PYHIN1: variants seen among roughly 807,000 people sequenced by gnomAD.
PYHIN1 encodes pyrin and HIN domain-containing protein 1.
Under a neutral mutation model 43.7 loss-of-function variants are expected in PYHIN1, and 32 were observed. That is an observed-to-expected ratio of 0.73 (90% CI 0.55 to 0.98). PYHIN1 has a LOEUF of 0.98. PYHIN1 is among the 50% of genes least tolerant of loss of function. The pLI is 0.00. For synonymous variants in PYHIN1, 205 were observed against 203.1 expected (o/e 1.01, Z -0.08); for missense variants, 588 against 589.5 (o/e 1.00, Z 0.03).
At chr1:158,971,033 A>G (rs1650904137) in intron 7 of PYHIN1, among the ~76,000 whole-genome samples, 1 of 151,984 alleles carries the variant, frequency 6.6e-6, no homozygotes, top group African/African-American at 2.4e-5. Context: ...GAGAGAGTAG[A>G]TATTAAAATA....
chr1:158,965,225 A>G (rs1650566022), intron 7 of PYHIN1, among the ~76,000 whole-genome samples: 1 of 152,186 alleles, frequency 6.6e-6, no homozygotes, highest in South Asian at 2.1e-4. Flanking sequence ...ACACAGGAGC[A>G]CCTAGACTCA....
At chr1:158,953,166 G>A (rs1245328913) in intron 7 of PYHIN1, among the ~76,000 whole-genome samples, 101 of 146,140 alleles carry the variant, frequency 6.9e-4, no homozygotes, top group Non-Finnish European at 9.1e-5. Context: ...GCAGCAGTGA[G>A]GCTGGGGGAG....
At chr1:158,949,215 T>C (rs1649386472) in intron 7 of PYHIN1, among the ~76,000 whole-genome samples, 1 of 152,120 alleles carries the variant, frequency 6.6e-6, no homozygotes, top group Non-Finnish European at 1.5e-5. Context: ...AAAACTGTGA[T>C]TGATGCCATG....
chr1:158,952,980 G>GA (rs1467543914), intron 7 of PYHIN1, among the ~76,000 whole-genome samples: 2 of 152,208 alleles, frequency 1.3e-5, no homozygotes, highest in Non-Finnish European at 2.9e-5. Context: ...CCGAGTCAAA[G>GA]AAAGGGGTGA....
Position 158,944,895 on chromosome 1 carries a change from G to A in PYHIN1, c.1212G>A (p.Gln404=), listed in dbSNP as rs1449237306. The A allele has an allele frequency of 6.3e-7, 1 of 1,579,570 alleles. No homozygotes were observed. Among genetic ancestry groups the A allele is most frequent in the East Asian group, 2.3e-5 (1 of 43,800 alleles). Residue 404 remains glutamine (Q), a synonymous_variant, in exon 7 of 9, where the codon CAG becomes CAA. Transcript: ENST00000368140. ...SFIQIQKNTN[Q]RSHDSRSMAL... Reference sequence around the variant, plus strand: ...TTCAGATACAGAAAAATACAAACCAGAGAAGCCATGACTCCAGGAGCATGG... The same window carrying A: ...TTCAGATACAGAAAAATACAAACCAAAGAAGCCATGACTCCAGGAGCATGG...
intron 3 of PYHIN1, 56 bp downstream of exon 3, chr1:158,938,598 G>A (rs1648710965): frequency 1.9e-6 from 3 of 1,570,456 alleles, no homozygotes; most frequent in African/African-American, 1.4e-5. Flanking sequence ...CTCTGCTGTG[G>A]CTGTTCCACT....
At chr1:158,986,886 T>G in the PYHIN1 span, among the ~76,000 whole-genome samples, 3 of 152,210 alleles carry the variant, frequency 2.0e-5, no homozygotes, top group Non-Finnish European at 4.4e-5. Context: ...TGGGATCTCC[T>G]ACAGCTAGGA....
intron 3 of PYHIN1, 24 bp downstream of exon 3, chr1:158,938,566 G>C (rs1358481187): frequency 1.9e-6 from 3 of 1,611,622 alleles, no homozygotes; most frequent in African/African-American, 2.7e-5. Context: ...AGAGGAGCAG[G>C]CTTCAAGTCT....
chr1:158,953,046 G>A (rs572887285), intron 7 of PYHIN1, among the ~76,000 whole-genome samples: 19 of 152,310 alleles, frequency 1.2e-4, no homozygotes, highest in Middle Eastern at 6.8e-3. Flanking sequence ...TTTTCGGACC[G>A]GCTTAAAAAA....
At chr1:158,984,290 T>C in the PYHIN1 span, among the ~76,000 whole-genome samples, 37 of 152,194 alleles carry the variant, frequency 2.4e-4, no homozygotes, top group East Asian at 6.6e-3. Flanking sequence ...TTTAGTGCTA[T>C]AAACTTTTCT....
chr1:158,966,359 T>G (rs1217311247), intron 7 of PYHIN1, among the ~76,000 whole-genome samples: 1 of 152,074 alleles, frequency 6.6e-6, no homozygotes, highest in African/African-American at 2.4e-5. Context: ...GAGGGACTCC[T>G]CTCCAATTCA....
downstream of PYHIN1, among the ~76,000 whole-genome samples, chr1:158,981,276 C>G (rs1262713904): frequency 6.6e-6 from 1 of 152,076 alleles, no homozygotes; most frequent in Non-Finnish European, 1.5e-5. Context: ...TCGAGACCAG[C>G]CTGGCCAACA....
chr1:158,969,888 T>C (rs1363933020), intron 7 of PYHIN1, among the ~76,000 whole-genome samples: 1 of 151,960 alleles, frequency 6.6e-6, no homozygotes, highest in East Asian at 1.9e-4. Flanking sequence ...AAGAGGCATG[T>C]ATCTCCATGG....
downstream of PYHIN1, among the ~76,000 whole-genome samples, chr1:158,977,377 C>T (rs909935368): frequency 1.3e-5 from 2 of 152,126 alleles, no homozygotes; most frequent in African/African-American, 4.8e-5. Context: ...AAACCAGGCA[C>T]TTTCTGGTGA....
intron 4 of PYHIN1, among the ~76,000 whole-genome samples, chr1:158,941,380 ACT>A (rs1255132257): frequency 6.6e-6 from 1 of 152,024 alleles, no homozygotes; most frequent in South Asian, 2.1e-4. Flanking sequence ...TGGTAATGAC[ACT>A]CTGTAGAGTG....
chr1:158,936,341 G>A (rs544368905), intron 1 of PYHIN1, among the ~76,000 whole-genome samples: 2 of 151,200 alleles, frequency 1.3e-5, no homozygotes, highest in East Asian at 3.9e-4. Flanking sequence ...ATAGTTTGCT[G>A]AGAATGATGG....
rs1454982915 is a variant in PYHIN1, at chr1:158,943,956, CAGAAATGCAT to C, written c.1172_1181del (p.Glu391ValfsTer101). The C allele has an allele frequency of 5.0e-6, 8 of 1,604,966 alleles. No individual in the cohort carries two copies. The highest frequency in any genetic ancestry group is 1.3e-5 in the African/African-American group (1 of 74,730). On this transcript the variant is annotated frameshift_variant, in exon 6 of 9. Transcript: ENST00000368140. LOFTEE classifies it high-confidence loss of function. ...AGGGAAAATATGTCAAAACTGATGT[CAGAAATGCAT>C]AGTTTCATCCAGGTGAGAAATAAAG...
rs936853351 is a variant in PYHIN1, at chr1:158,976,634, A to G, written c.*6-67A>G. ...GCTCACAGGGAGGAGAGGCAGTGTG[A>G]TTGAAGAAAGAAATGTATGACTCCC... On this transcript the variant is annotated intron_variant, in intron 8 of 8. Transcript: ENST00000368140. 6 of 1,222,044 alleles carry G rather than the reference A, an allele frequency of 4.9e-6. No homozygotes were observed. In the African/African-American group the frequency reaches 7.6e-5, roughly 16 times the overall value. 75.7% of individuals were successfully genotyped at this position (1,222,044 alleles called of 1,614,324 possible). A position where few individuals can be genotyped will look rare whatever the true frequency, so the allele number is the denominator to read the frequency against.
intron 7 of PYHIN1, among the ~76,000 whole-genome samples, chr1:158,952,108 G>GTTTTT (rs35079460): frequency 2.5e-5 from 3 of 118,156 alleles, no homozygotes; most frequent in Admixed American, 9.1e-5. Flanking sequence ...GCCTGTGTCG[G>GTTTTT]TTTTTTTTTT....
Sources: allele counts gnomAD v4.1 joint callset (sites outside exome capture counted in the v4.1 genomes callset), GRCh38; gene constraint gnomAD v4.1.1; transcripts MANE v1.5; gene names NCBI Gene and HGNC (gene_info 2026-07-23, HGNC 2026-07-21).